OTOG: variants seen among roughly 807,000 people sequenced by gnomAD.
OTOG encodes the protein otogelin.
A neutral mutation model predicts 313.8 loss-of-function variants in OTOG; 296 were observed. The ratio of observed to expected loss-of-function variants is 0.94; its 90% CI spans 0.86 to 1.04. OTOG has a LOEUF of 1.04. OTOG is among the 50% of genes least tolerant of loss of function. The pLI, the probability that OTOG is intolerant of heterozygous loss-of-function variation, is 0.00. For synonymous variants in OTOG, 1,533 were observed against 1,554.9 expected, an observed-to-expected ratio of 0.99 and a Z score of 0.33; for missense variants, 3,948 against 3,840.1, an observed-to-expected ratio of 1.03 and a Z score of -0.74.
chr11:17,610,300 T>C lies in OTOG; in HGVS notation c.5000T>C (p.Val1667Ala). Reference protein sequence around the residue: ...SPTSSGSHKAVLTPAVTKVIS... With the variant: ...SPTSSGSHKAALTPAVTKVIS... ...ACCTCCTCGGGATCCCACAAGGCTG[T>C]GCTGACACCTGCAGTAACTAAGGTC... Residue 1667 changes from valine (V) to alanine (A), a missense_variant, in exon 36 of 56, where the codon GTG (valine) becomes GCG (alanine). Coordinates refer to ENST00000399397, the MANE Select transcript of OTOG (RefSeq NM_001292063.2). The C allele has an allele frequency of 1.3e-6, 2 of 1,550,656 alleles. No homozygotes were observed. The highest frequency in any genetic ancestry group is 1.7e-6 in the Non-Finnish European group (2 of 1,146,966).
chr11:17,583,159 A>G (rs1161080060), intron 23 of OTOG, among the ~76,000 whole-genome samples: 2 of 152,008 alleles, frequency 1.3e-5, no homozygotes, highest in Non-Finnish European at 2.9e-5. Flanking sequence ...TTTACAGACA[A>G]GGTCTTGCTC....
At position 17,645,815 on chromosome 11, in the gene OTOG, C is replaced by CCG; in HGVS notation, c.8614_8615dup (p.Phe2873AspfsTer?). 6.4e-7 allele frequency: 1 copy of CCG among 1,551,100 alleles called. No individual in the cohort carries two copies. Among genetic ancestry groups the CCG allele is most frequent in the South Asian group, 1.2e-5 (1 of 84,062 alleles). ...ACAACTACAACATCAACACCTATGCCCGATTCTGCAAGTGCTGCCGTGAGG... is the reference window on the plus strand; with the variant it reads ...ACAACTACAACATCAACACCTATGCCCGCGATTCTGCAAGTGCTGCCGTGAGG... On this transcript the variant is annotated frameshift_variant, in exon 56 of 56. Coordinates refer to ENST00000399397, the MANE Select transcript of OTOG (RefSeq NM_001292063.2). LOFTEE classifies it high-confidence loss of function.
Position 17,636,538 on chromosome 11 carries a change from C to T in OTOG, c.7795+827C>T, listed in dbSNP as rs11024351. 1.3e-4 allele frequency among the ~76,000 whole-genome samples: 20 copies of T among 152,292 alleles called. No homozygotes were observed. The East Asian group carries it at 2.9e-3, about 22-fold the overall frequency. Reference sequence around the variant, plus strand: ...TTGGTTCAATGTGAAGAGCCACCTCCGAAACAATGTAGGCTCCCATCCCAT... The same window carrying T: ...TTGGTTCAATGTGAAGAGCCACCTCTGAAACAATGTAGGCTCCCATCCCAT... On this transcript the variant is annotated intron_variant, in intron 47 of 55. Coordinates refer to ENST00000399397, the MANE Select transcript of OTOG (RefSeq NM_001292063.2).
chr11:17,559,515 T>C lies in OTOG; in HGVS notation c.1214-19T>C, dbSNP rs1565092009. ...GCTGGGGCCAGTAGCTGAGAGACCA[T>C]GGATCCCTCCTTCCCAAGCTGTGCA... On this transcript the variant is annotated intron_variant, in intron 11 of 55. Transcript: ENST00000399397. 12 of 1,550,442 alleles carry C rather than the reference T, an allele frequency of 7.7e-6. No individual in the cohort carries two copies. The highest frequency in any genetic ancestry group is 1.0e-5 in the Non-Finnish European group (12 of 1,146,968).
At position 17,609,775 on chromosome 11, in the gene OTOG, C is replaced by A. The variant is rs987910865; in HGVS notation, c.4475C>A (p.Thr1492Asn). 34 of 1,548,796 alleles carry A rather than the reference C, an allele frequency of 2.2e-5. No individual in the cohort carries two copies. The highest frequency in any genetic ancestry group is 2.7e-5 in the Non-Finnish European group (31 of 1,146,110). ...CAGCTGTCACAGGAAAGCCCCAGGA[C>A]CCCCACCCACAGGCCAGCCCTCACC... ...EPQLSQESPR[T>N]PTHRPALTPA... is the part of the protein sequence containing the mutation. Residue 1492 changes from threonine (T) to asparagine (N), a missense_variant, in exon 36 of 56, where the codon ACC becomes AAC. Physicochemically the swap from Thr to Asn is moderately conservative, Grantham distance 65. Transcript: ENST00000399397.
chr11:17,619,202 T>C (rs1465925481), intron 39 of OTOG, among the ~76,000 whole-genome samples: 1 of 152,148 alleles, frequency 6.6e-6, no homozygotes, highest in African/African-American at 2.4e-5. Flanking sequence ...GCCCAGGAAG[T>C]TGAGGCTGCA....
intron 29 of OTOG, among the ~76,000 whole-genome samples, chr11:17,596,416 T>A (rs1853110103): frequency 6.6e-6 from 1 of 152,214 alleles, no homozygotes; most frequent in South Asian, 2.1e-4. Flanking sequence ...ATCATGAAGT[T>A]CTTCTAAATG....
intron 23 of OTOG, among the ~76,000 whole-genome samples, chr11:17,580,240 G>A (rs980746595): frequency 6.6e-6 from 1 of 152,256 alleles, no homozygotes; most frequent in African/African-American, 2.4e-5. Flanking sequence ...CCACTAGGCA[G>A]TGAGGCACAA....
At chr11:17,577,438 A>T (rs1454682133) in intron 22 of OTOG, among the ~76,000 whole-genome samples, 1 of 152,086 alleles carries the variant, frequency 6.6e-6, no homozygotes, top group East Asian at 1.9e-4. Flanking sequence ...GGGCTGGAGC[A>T]TTCAGGGAGG....
intron 42 of OTOG, 49 bp downstream of exon 42, chr11:17,632,275 C>A (rs547945920): frequency 1.3e-6 from 2 of 1,514,692 alleles, no homozygotes; most frequent in Non-Finnish European, 1.8e-6. Flanking sequence ...TTGTTCCCAT[C>A]CCCTGTTAAA....
chr11:17,605,831 G>A (rs1030343021), intron 32 of OTOG, 26 bp from the exon 33 acceptor site: 7 of 1,514,862 alleles, frequency 4.6e-6, no homozygotes, highest in African/African-American at 4.1e-5. Flanking sequence ...TGCCTGTACT[G>A]ACTCTCCCCA....
At chr11:17,598,378 G>A (rs192514070) in intron 30 of OTOG, among the ~76,000 whole-genome samples, 4 of 152,298 alleles carry the variant, frequency 2.6e-5, no homozygotes, top group Non-Finnish European at 4.4e-5. Context: ...GTGGGAGACT[G>A]TTAATGATCT....
chr11:17,645,951 G>C lies in OTOG; in HGVS notation c.*7G>C. The C allele has an allele frequency of 1.1e-5, 17 of 1,548,112 alleles. No individual in the cohort carries two copies. Among genetic ancestry groups the C allele is most frequent in the Non-Finnish European group, 1.4e-5 (16 of 1,146,958 alleles). The stretch of plus-strand genomic sequence containing the variant: ...TGCCTGCCAGTGGTCCTGAGGCCTG[G>C]GGGCCCGGGCTAGCTGGACCACCTC... On this transcript the variant is annotated 3_prime_UTR_variant, in exon 56 of 56. Transcript: ENST00000399397.
At position 17,570,349 on chromosome 11, in the gene OTOG, C is replaced by G. The variant is rs1385781742; in HGVS notation, c.1914C>G (p.Gly638=). 7.1e-6 allele frequency: 11 copies of G among 1,550,576 alleles called. No individual in the cohort carries two copies. In the South Asian group the frequency reaches 1.1e-4, roughly 15 times the overall value. Residue 638 remains glycine, a synonymous_variant, in exon 17 of 56, where the codon GGC becomes GGG. Transcript: ENST00000399397. ...AGCGATGGGTGGAGGATACCGTGGG[C>G]CTCTGCGGCACCTTCAATGGCAACA... ...VDQRWVEDTV[G]LCGTFNGNTQ... is the part of the protein sequence containing the mutation.
rs1269021146 is a variant in OTOG, at chr11:17,558,273, G to A, written c.954G>A (p.Leu318=). The A allele has an allele frequency of 6.4e-7, 1 of 1,550,740 alleles. No homozygotes were observed. The highest frequency in any genetic ancestry group is 2.0e-5 in the Admixed American group (1 of 50,996). Residue 318 remains leucine (L), a synonymous_variant, in exon 9 of 56, where the codon CTG becomes CTA. Transcript: ENST00000399397. ...NQPPGPTTSS[L]PRPPCLQQNP... ...CTCCAGGGCCCACAACTTCCTCCCT[G>A]CCTCGCCCACCGTGCCTACAGCAGA...
chr11:17,630,194 CT>C (rs1439838296), intron 40 of OTOG, among the ~76,000 whole-genome samples: 3 of 152,216 alleles, frequency 2.0e-5, no homozygotes, highest in East Asian at 1.9e-4. Context: ...GACAAAATCC[CT>C]GTTTTATGGT....
Position 17,558,199 on chromosome 11 carries a change from G to T in OTOG, c.880G>T (p.Asp294Tyr). 3.2e-6 allele frequency: 5 copies of T among 1,550,494 alleles called. No homozygotes were observed. Among genetic ancestry groups the T allele is most frequent in the Non-Finnish European group, 4.4e-6 (5 of 1,146,954 alleles). The change falls in exon 9 of 56, where the codon GAC becomes TAC. Residue 294 changes from aspartate (D) to tyrosine (Y), a missense_variant. Transcript: ENST00000399397. ...LVTSSGKLTD[D>Y]VVEFVHSWQE... The stretch of plus-strand genomic sequence containing the variant: ...CCCTCCTCCAGGGAAGCTGACTGAC[G>T]ACGTGGTTGAGTTTGTGCACAGCTG...
chr11:17,622,967 G>A (rs1386235865), intron 39 of OTOG, among the ~76,000 whole-genome samples: 1 of 152,160 alleles, frequency 6.6e-6, no homozygotes, highest in Non-Finnish European at 1.5e-5. Context: ...CACCAAAAGT[G>A]TGAGGGTTCC....
At chr11:17,634,308 A>T (rs922193776) in intron 44 of OTOG, 27 bp downstream of exon 44, 5 of 1,544,532 alleles carry the variant, frequency 3.2e-6, no homozygotes, top group Non-Finnish European at 4.4e-6. Context: ...ACTTCCTTGG[A>T]CGTCAACTGT....
Sources: gnomAD v4.1 joint callset for allele counts (sites outside exome capture counted in the v4.1 genomes callset) on GRCh38, gnomAD v4.1.1 for gene constraint, MANE v1.5 for transcripts, NCBI Gene and HGNC (gene_info 2026-07-23, HGNC 2026-07-21) for gene names.